TDRD9: variants seen among roughly 807,000 people sequenced by gnomAD.
TDRD9 encodes the protein tudor domain containing 9.
In TDRD9, 124 loss-of-function variants were observed where a neutral mutation model predicts 172.6. That is an observed-to-expected ratio of 0.72 (90% CI 0.62 to 0.83). The LOEUF is 0.83. Ranked by LOEUF, TDRD9 falls within the 40% of genes least tolerant of loss-of-function variation. TDRD9 has a pLI of 0.00. For missense variants in TDRD9, 1,479 were observed against 1,714.1 expected (o/e 0.86, Z 2.42); for synonymous variants, 619 against 617.1 (o/e 1.00, Z -0.05).
chr14:104,048,761 C>T (rs897471405), intron 34 of TDRD9, among the ~76,000 whole-genome samples: 1 of 152,164 alleles, frequency 6.6e-6, no homozygotes, highest in African/African-American at 2.4e-5. Context: ...TGGTCTGCTG[C>T]TGGCCCCAAG....
intron 8 of TDRD9, among the ~76,000 whole-genome samples, chr14:103,990,147 T>C (rs1370748979): frequency 2.0e-5 from 3 of 152,214 alleles, no homozygotes; most frequent in Non-Finnish European, 1.5e-5. Context: ...CTCCTCTGGG[T>C]GGGGCTGTGA....
chr14:103,953,646 G>C (rs576119717), intron 1 of TDRD9, among the ~76,000 whole-genome samples: 2 of 152,234 alleles, frequency 1.3e-5, no homozygotes, highest in South Asian at 2.1e-4. Flanking sequence ...TGGGAACCAG[G>C]GTAACTGATG....
At chr14:103,952,537 G>A (rs940342763) in intron 1 of TDRD9, among the ~76,000 whole-genome samples, 1 of 150,140 alleles carries the variant, frequency 6.7e-6, no homozygotes, top group Non-Finnish European at 1.5e-5. Context: ...CACTGTGCTC[G>A]GCCTTATGTT....
At chr14:104,051,177 A>G (rs890844509) in intron 35 of TDRD9, among the ~76,000 whole-genome samples, 1 of 152,032 alleles carries the variant, frequency 6.6e-6, no homozygotes, top group Non-Finnish European at 1.5e-5. Flanking sequence ...TGAGTACTCA[A>G]TGTTTAGCTC....
intron 14 of TDRD9, among the ~76,000 whole-genome samples, chr14:104,004,838 G>A (rs2034384059): frequency 1.3e-5 from 2 of 152,114 alleles, no homozygotes; most frequent in Admixed American, 1.3e-4. Flanking sequence ...ATGAGAGGAT[G>A]TTTTCTGGTA....
At chr14:104,008,085 C>T (rs1475581277) in intron 19 of TDRD9, among the ~76,000 whole-genome samples, 1 of 152,124 alleles carries the variant, frequency 6.6e-6, no homozygotes. Context: ...GGCTTAAAGT[C>T]TTTTAAAGGC....
At chr14:104,007,356 T>C (rs1335140165) in intron 19 of TDRD9, among the ~76,000 whole-genome samples, 152 bp downstream of exon 19, 2 of 151,854 alleles carry the variant, frequency 1.3e-5, no homozygotes, top group Non-Finnish European at 2.9e-5. Context: ...GTCCCAAGAG[T>C]GGCAGGCCAT....
At chr14:103,933,697 C>T (rs117726739) in intron 1 of TDRD9, among the ~76,000 whole-genome samples, 1,704 of 152,116 alleles carry the variant, frequency 0.011, 19 homozygotes, top group Non-Finnish European at 0.019. Context: ...TGTGAGCCAC[C>T]GCATCTGGCC....
intron 30 of TDRD9, 128 bp downstream of exon 30, chr14:104,032,215 CTTTT>C (rs1297116984): frequency 2.3e-6 from 1 of 443,634 alleles, no homozygotes; most frequent in Admixed American, 5.3e-5. Flanking sequence ...CTTTTCTTTT[CTTTT>C]TTTTTGAGAC....
At chr14:103,938,436 A>AT (rs1483928412) in intron 1 of TDRD9, among the ~76,000 whole-genome samples, 3,844 of 40,114 alleles carry the variant, frequency 0.096, 306 homozygotes, top group South Asian at 0.16. Flanking sequence ...ATATATATAT[A>AT]TATATTTTTT....
intron 1 of TDRD9, among the ~76,000 whole-genome samples, chr14:103,931,250 G>T (rs2030371300): frequency 6.6e-6 from 1 of 150,938 alleles, no homozygotes; most frequent in African/African-American, 2.4e-5. Context: ...AGTAAGCTGA[G>T]ATTGTGCCAC....
At position 103,944,962 on chromosome 14, in the gene TDRD9, C is replaced by G. The variant is rs562373463; in HGVS notation, c.216-10702C>G. 2.6e-5 allele frequency among the ~76,000 whole-genome samples: 4 copies of G among 152,338 alleles called. No homozygotes were observed. In the South Asian group the frequency reaches 6.2e-4, roughly 24 times the overall value. On this transcript the variant is annotated intron_variant, in intron 1 of 35. Transcript: ENST00000409874. ...CACTTAACAGATATCTATTGACTGT[C>G]TGCCAGGGCCTGAATAGTTAGGGGC... is the stretch of plus-strand genomic sequence containing the variant.
chr14:103,934,049 T>C (rs2030583073), intron 1 of TDRD9, among the ~76,000 whole-genome samples: 1 of 152,068 alleles, frequency 6.6e-6, no homozygotes, highest in South Asian at 2.1e-4. Context: ...TTTTTCTTGC[T>C]CTGTCACCCA....
intron 13 of TDRD9, among the ~76,000 whole-genome samples, chr14:104,001,840 C>CTCGT (rs2034270179): frequency 6.6e-6 from 1 of 152,082 alleles, no homozygotes; most frequent in African/African-American, 2.4e-5. Context: ...ATCTCTTGAC[C>CTCGT]TCGTGATCTG....
chr14:103,978,885 T>G (rs2152174958), intron 7 of TDRD9, among the ~76,000 whole-genome samples: 1 of 152,332 alleles, frequency 6.6e-6, no homozygotes, highest in African/African-American at 2.4e-5. Flanking sequence ...AACTAGCATA[T>G]CTATTGTATC....
chr14:103,952,179 TGC>T (rs1229819690), intron 1 of TDRD9, among the ~76,000 whole-genome samples: 4 of 97,384 alleles, frequency 4.1e-5, no homozygotes, highest in East Asian at 3.1e-4. Context: ...TATATGTGTG[TGC>T]GTGTGTGTGT....
intron 27 of TDRD9, 29 bp from the exon 28 acceptor site, chr14:104,026,650 G>T (rs777695996): frequency 6.2e-7 from 1 of 1,609,148 alleles, no homozygotes; most frequent in Non-Finnish European, 8.5e-7. Context: ...TTATAAAGCT[G>T]TTTGAGCTGT....
rs1165957089 is a variant in TDRD9 at position 103,956,101 on chromosome 14, AAAAAAAAAAAATATATATAT to A, written c.322+333_322+352del. On this transcript the variant is annotated intron_variant, in intron 2 of 35. Transcript: ENST00000409874. ...CTTTAAAAAAAAAAAAAAAAAAAAAAAAAAAAAAAAATATATATATATATATATATATATATATATATATA... is the reference window on the plus strand; with the variant it reads ...CTTTAAAAAAAAAAAAAAAAAAAAAAATATATATATATATATATATATATA... Among the ~76,000 whole-genome samples the A allele has an allele frequency of 2.2e-4, 12 of 54,224 alleles. No individual in the cohort carries two copies. In the East Asian group the frequency reaches 4.9e-3, roughly 22 times the overall value. 35.6% of individuals were successfully genotyped at this position (54,224 alleles called of 152,430 possible). A position where few individuals can be genotyped will look rare whatever the true frequency, so the allele number is the denominator to read the frequency against.
At chr14:104,014,243 A>T (rs201297462) in intron 20 of TDRD9, among the ~76,000 whole-genome samples, 42,191 of 148,216 alleles carry the variant, frequency 0.28, 6,393 homozygotes, top group East Asian at 0.32. Flanking sequence ...AAAAAAAAAA[A>T]AAAAAAAGAT....
Sources: allele counts gnomAD v4.1 joint callset (sites outside exome capture counted in the v4.1 genomes callset), GRCh38; gene constraint gnomAD v4.1.1; transcripts MANE v1.5; gene names NCBI Gene and HGNC (gene_info 2026-07-23, HGNC 2026-07-21).